Variants in UNC119 observed in about 807,000 individuals in gnomAD.
UNC119 encodes the protein protein unc-119 homolog A.
UNC119 carries 15 observed loss-of-function variants against 22.6 expected under a neutral mutation model. The ratio of observed to expected loss-of-function variants is 0.66; its 90% CI spans 0.44 to 1.02. The LOEUF (loss-of-function observed/expected upper bound fraction) is 1.02, where lower values mean the gene tolerates loss of function less well. Ranked by LOEUF, UNC119 falls within the 50% of genes least tolerant of loss-of-function variation. The pLI, the probability that UNC119 is intolerant of heterozygous loss-of-function variation, is 0.00. For synonymous variants in UNC119, 138 were observed against 139.4 expected (o/e 0.99, Z 0.07); for missense variants, 322 against 336.0 (o/e 0.96, Z 0.33).
In UNC119 at chr17:28,548,611, G is replaced by A. The variant is rs770793038; in HGVS notation, c.315C>T (p.Ile105=). The change falls in exon 2 of 5, where the codon ATC becomes ATT. Residue 105 remains isoleucine (I), a synonymous_variant. Transcript: ENST00000335765. ...ACTCACCTGAGACTGGGGGCTTCTT[G>A]ATTTCAAAGAGGACAGTGCCTGAGT... ...DMDSGTVLFE[I]KKPPVSERLP... 3.2e-5 allele frequency: 52 copies of A among 1,614,032 alleles called. No individual in the cohort carries two copies. The highest frequency in any genetic ancestry group is 4.2e-5 in the Non-Finnish European group (49 of 1,180,008).
In UNC119 at chr17:28,548,625, C is replaced by T; in HGVS notation, c.301G>A (p.Val101Ile). The change falls in exon 2 of 5, where the codon GTC (valine) becomes ATC (isoleucine). Residue 101 changes from valine to isoleucine, a missense_variant. Val to Ile is a conservative substitution (Grantham distance 29). Transcript: ENST00000335765. ...FKIRDMDSGT[V>I]LFEIKKPPVS... Reference sequence around the variant, plus strand: ...GGGGGCTTCTTGATTTCAAAGAGGACAGTGCCTGAGTCCATGTCCCGAATC... The same window carrying T: ...GGGGGCTTCTTGATTTCAAAGAGGATAGTGCCTGAGTCCATGTCCCGAATC... 6.2e-7 allele frequency: 1 copy of T among 1,614,180 alleles called. No homozygotes were observed. Among genetic ancestry groups the T allele is most frequent in the Non-Finnish European group, 8.5e-7 (1 of 1,180,012 alleles).
rs762519155 is a variant in UNC119 at position 28,547,693 on chromosome 17, A to AG, written c.593dup (p.Leu199SerfsTer15). 4 of 1,613,932 alleles carry AG rather than the reference A, an allele frequency of 2.5e-6. No homozygotes were observed. In the African/African-American group the frequency reaches 4.0e-5, roughly 16 times the overall value. ...CCCGCGCACTCAGCTCCTCGGAGAG[A>AG]GGGGGGAAGTCGTAAATGTGCTCGC... On this transcript the variant is annotated frameshift_variant, in exon 4 of 5. Transcript: ENST00000335765. LOFTEE classifies it high-confidence loss of function.
rs1436225955 is a variant in UNC119, at chr17:28,548,074, A to C, written c.362T>G (p.Leu121Arg). Reference sequence around the variant, plus strand: ...GACAAAGCGCCCAGCATTGGGGTCCAGGTCCCGCCGGTTGATGGGCAACCG... The same window carrying C: ...GACAAAGCGCCCAGCATTGGGGTCCCGGTCCCGCCGGTTGATGGGCAACCG... ...SERLPINRRD[L>R]DPNAGRFVRY... is the part of the protein sequence containing the mutation. Residue 121 changes from leucine (L) to arginine (R), a missense_variant, in exon 3 of 5, where the codon CTG becomes CGG. Leu to Arg is a moderately radical substitution (Grantham distance 102). Transcript: ENST00000335765. The C allele has an allele frequency of 6.2e-7, 1 of 1,613,744 alleles. No individual in the cohort carries two copies. Among genetic ancestry groups the C allele is most frequent in the Non-Finnish European group, 8.5e-7 (1 of 1,179,988 alleles).
At position 28,547,347 on chromosome 17, in the gene UNC119, G is replaced by A. The variant is rs969504849; in HGVS notation, c.673C>T (p.Arg225Trp). The change falls in exon 5 of 5, where the codon CGG becomes TGG. Residue 225 changes from arginine (R) to tryptophan (W), a missense_variant. Coordinates refer to ENST00000335765, the MANE Select transcript of UNC119 (RefSeq NM_005148.4). The stretch of plus-strand genomic sequence containing the variant: ...TCTGCTTTATTGTGCATCACCAGCC[G>A]GTCATCCACGAAGTAGAAGCTGTCA... The part of the protein sequence containing the change: ...QSDSFYFVDD[R>W]LVMHNKADYS... The A allele has an allele frequency of 6.2e-6, 10 of 1,614,172 alleles. No homozygotes were observed. Among genetic ancestry groups the A allele is most frequent in the Non-Finnish European group, 8.5e-6 (10 of 1,180,020 alleles).
chr17:28,550,725 A>G (rs1375488295), intron 1 of UNC119: 5 of 152,200 alleles, frequency 3.3e-5, no homozygotes, highest in Non-Finnish European at 5.9e-5. Flanking sequence ...CAATTCCTGC[A>G]CAGGAAGGGG....
chr17:28,552,080 A>G, intron 1 of UNC119: 3 of 672,336 alleles, frequency 4.5e-6, no homozygotes, highest in Non-Finnish European at 5.6e-6. Flanking sequence ...CGCTGGGAAA[A>G]GGGGACGGGC....
intron 1 of UNC119, chr17:28,549,247 G>A (rs1272137011): frequency 6.4e-6 from 1 of 156,138 alleles, no homozygotes; most frequent in Non-Finnish European, 1.4e-5. Flanking sequence ...TTCTCTGGAG[G>A]ATACTCCTAC....
rs1461325390 is a variant in UNC119, at chr17:28,548,815, G to A, written c.221-110C>T. ...CCATCTTCTCATCCCTGGGATCACT[G>A]CCCTCTGGAAAGAGGGACCTCAGTC... On this transcript the variant is annotated intron_variant, in intron 1 of 4. Coordinates refer to ENST00000335765, the MANE Select transcript of UNC119 (RefSeq NM_005148.4). 9 of 841,982 alleles carry A rather than the reference G, an allele frequency of 1.1e-5. No individual in the cohort carries two copies. In the East Asian group the frequency reaches 2.0e-4, roughly 19 times the overall value. The allele number at this position is 841,982 out of a possible 1,614,324, so 52.2% of individuals were successfully genotyped here.
rs916819190 is a variant in UNC119 at position 28,547,522 on chromosome 17, C to A, written c.611-113G>T. ...GCCAAACAGCCTGAAATATCCCCAG[C>A]CTCTTTCTCTACGGATGATATGGGA... On this transcript the variant is annotated intron_variant, in intron 4 of 4. Transcript: ENST00000335765. 2.5e-6 allele frequency: 4 copies of A among 1,584,388 alleles called. No individual in the cohort carries two copies. The African/African-American group carries it at 5.4e-5, about 21-fold the overall frequency.
At chr17:28,547,557 G>A (rs1336536425) in intron 4 of UNC119, 120 bp downstream of exon 4, 20 of 1,598,288 alleles carry the variant, frequency 1.3e-5, no homozygotes, top group Non-Finnish European at 1.6e-5. Context: ...AATGGTGGCA[G>A]ACACAGAAGA....
At chr17:28,548,131 G>A (rs1459615019) in intron 2 of UNC119, 30 bp from the exon 3 acceptor site, 4 of 1,589,202 alleles carry the variant, frequency 2.5e-6, no homozygotes, top group Non-Finnish European at 3.4e-6. Flanking sequence ...GGGCTCAGTG[G>A]GCTTCAGGCT....
intron 1 of UNC119, 87 bp downstream of exon 1, chr17:28,552,251 C>CG (rs2070281598): frequency 3.7e-6 from 4 of 1,074,390 alleles, no homozygotes; most frequent in Admixed American, 4.0e-5. Context: ...GGAAAGGGGG[C>CG]GGGGGCCAGG....
rs541605120 is a variant in UNC119 at position 28,548,604 on chromosome 17, G to T, written c.322C>A (p.Pro108Thr). Reference protein sequence around the residue: ...SGTVLFEIKKPPVSERLPINR... With the variant: ...SGTVLFEIKKTPVSERLPINR... Reference sequence around the variant, plus strand: ...CCAGCCCACTCACCTGAGACTGGGGGCTTCTTGATTTCAAAGAGGACAGTG... The same window carrying T: ...CCAGCCCACTCACCTGAGACTGGGGTCTTCTTGATTTCAAAGAGGACAGTG... Residue 108 changes from proline (P) to threonine (T), a missense_variant, in exon 2 of 5, where the codon CCC becomes ACC. Physicochemically the swap from Pro to Thr is conservative, Grantham distance 38. Transcript: ENST00000335765. 2 of 1,613,956 alleles carry T rather than the reference G, an allele frequency of 1.2e-6. No individual in the cohort carries two copies. The highest frequency in any genetic ancestry group is 1.7e-6 in the Non-Finnish European group (2 of 1,179,952).
At position 28,548,101 on chromosome 17, in the gene UNC119, T is replaced by C; in HGVS notation, c.335A>G (p.Glu112Gly). Residue 112 changes from glutamate (E) to glycine (G), a missense_variant and splice_region_variant, in exon 3 of 5, where the codon GAA (glutamate) becomes GGA (glycine). Coordinates refer to ENST00000335765, the MANE Select transcript of UNC119 (RefSeq NM_005148.4). ...GTCCCGCCGGTTGATGGGCAACCGT[T>C]CTGCAATGTACCCCAGCTGGGGCTC... ...LFEIKKPPVSERLPINRRDLD... is the reference protein window; with the variant it reads ...LFEIKKPPVSGRLPINRRDLD... The C allele has an allele frequency of 6.2e-7, 1 of 1,612,580 alleles. No homozygotes were observed. The highest frequency in any genetic ancestry group is 2.2e-5 in the East Asian group (1 of 44,800).
At chr17:28,548,190 T>C in intron 2 of UNC119, 89 bp from the exon 3 acceptor site, 2 of 1,340,458 alleles carry the variant, frequency 1.5e-6, no homozygotes, top group Non-Finnish European at 2.0e-6. Context: ...ATCTATCTGA[T>C]TTTTTTTAAA....
chr17:28,547,271 C>A lies in UNC119; in HGVS notation c.*26G>T. 6.2e-7 allele frequency: 1 copy of A among 1,613,532 alleles called. No individual in the cohort carries two copies. The highest frequency in any genetic ancestry group is 1.1e-5 in the South Asian group (1 of 91,032). On this transcript the variant is annotated 3_prime_UTR_variant, in exon 5 of 5. Transcript: ENST00000335765. Reference sequence around the variant, plus strand: ...ACAGCTCCCAGCCCAGAACTGGAGCCTCCTGGGGTCAGGGCAGCCGTGGGG... The same window carrying A: ...ACAGCTCCCAGCCCAGAACTGGAGCATCCTGGGGTCAGGGCAGCCGTGGGG...
rs759458653 is a variant in UNC119, at chr17:28,547,848, C to G, written c.439G>C (p.Val147Leu). 6.2e-7 allele frequency: 1 copy of G among 1,614,116 alleles called. No homozygotes were observed. The highest frequency in any genetic ancestry group is 8.5e-7 in the Non-Finnish European group (1 of 1,179,984). The change falls in exon 4 of 5, where the codon GTG (valine) becomes CTG (leucine). Residue 147 changes from valine (V) to leucine (L), a missense_variant and splice_region_variant. Coordinates refer to ENST00000335765, the MANE Select transcript of UNC119 (RefSeq NM_005148.4). ...FLRLRQVGAT[V>L]EFTVGDKPVN... ...GGCTTGTCTCCCACTGTGAACTCCA[C>G]CCTGAGCAAGAAAAGGAGGCAGGGC...
At chr17:28,548,979 C>A in intron 1 of UNC119, 1 of 384,868 alleles carries the variant, frequency 2.6e-6, no homozygotes, top group Non-Finnish European at 4.9e-6. Flanking sequence ...GACAAGGCCA[C>A]CTCCTGAACA....
intron 1 of UNC119, 169 bp downstream of exon 1, chr17:28,552,169 A>C: frequency 1.4e-6 from 1 of 703,532 alleles, no homozygotes; most frequent in South Asian, 1.6e-5. Context: ...GGGTACACAG[A>C]GATCTCAGAC....
Sources: allele counts gnomAD v4.1 joint callset, GRCh38; gene constraint gnomAD v4.1.1; transcripts MANE v1.5; gene names NCBI Gene and HGNC (gene_info 2026-07-23, HGNC 2026-07-21).